BTBD8: variants seen among roughly 807,000 people sequenced by gnomAD.
BTBD8 encodes the protein BTB/POZ domain-containing protein 8.
Under a neutral mutation model 162.9 loss-of-function variants are expected in BTBD8, and 110 were observed. That is an observed-to-expected ratio of 0.68 (90% CI 0.58 to 0.79). The LOEUF (loss-of-function observed/expected upper bound fraction) is 0.79, where lower values mean the gene tolerates loss of function less well. Among genes scored for constraint, BTBD8 ranks in the 30% least tolerant of loss-of-function variants. The probability of loss-of-function intolerance (pLI) is 0.00; values close to 1 mark genes in which losing one functional copy is unlikely to be tolerated. For synonymous variants in BTBD8, 667 were observed against 716.1 expected, an observed-to-expected ratio of 0.93 and a Z score of 1.10; for missense variants, 1,905 against 2,085.4, an observed-to-expected ratio of 0.91 and a Z score of 1.68.
Position 92,183,263 on chromosome 1 carries a change from A to G in BTBD8, c.4913-601A>G, listed in dbSNP as rs954253941. Among the ~76,000 whole-genome samples the G allele has an allele frequency of 2.6e-5, 4 of 152,276 alleles. No individual in the cohort carries two copies. The East Asian group carries it at 5.8e-4, about 22-fold the overall frequency. ...CTTATTATAGTAATTCAGACTAATG[A>G]CCCACATTTAAAATATGCAATAGTG... On this transcript the variant is annotated intron_variant, in intron 17 of 17. Coordinates refer to ENST00000636805, the MANE Select transcript of BTBD8 (RefSeq NM_001376131.1).
At position 92,092,232 on chromosome 1, in the gene BTBD8, C is replaced by T. The variant is rs116591614; in HGVS notation, c.347+3337C>T. The stretch of plus-strand genomic sequence containing the variant: ...CCTGGGCAACATGGCAAAACCCAGT[C>T]TTTACCAAAAATACAAAAAATTAGC... On this transcript the variant is annotated intron_variant, in intron 2 of 17. Coordinates refer to ENST00000636805, the MANE Select transcript of BTBD8 (RefSeq NM_001376131.1). 3.2e-3 allele frequency among the ~76,000 whole-genome samples: 483 copies of T among 152,108 alleles called. 3 individuals are homozygous for T. The highest frequency in any genetic ancestry group is 0.011 in the African/African-American group (467 of 41,496).
Position 92,182,201 on chromosome 1 carries a change from T to C in BTBD8, c.4518T>C (p.Ser1506=), listed in dbSNP as rs1215552307. 7.7e-6 allele frequency: 12 copies of C among 1,550,352 alleles called. No individual in the cohort carries two copies. Among genetic ancestry groups the C allele is most frequent in the Non-Finnish European group, 1.0e-5 (12 of 1,146,660 alleles). Residue 1506 remains serine (S), a synonymous_variant, in exon 17 of 18, where the codon AGT becomes AGC. Coordinates refer to ENST00000636805, the MANE Select transcript of BTBD8 (RefSeq NM_001376131.1). ...AATGTAAACAAAATAAAGGCAATAG[T>C]GTATGTAAAAATGAAAGCACTGTCT... The part of the protein sequence containing the change: ...ILECKQNKGN[S]VCKNESTVLD...
chr1:92,180,937 A>G lies in BTBD8; in HGVS notation c.3254A>G (p.Tyr1085Cys), dbSNP rs1047674954. The change falls in exon 17 of 18, where the codon TAT (tyrosine) becomes TGT (cysteine). Residue 1085 changes from tyrosine (Y) to cysteine (C), a missense_variant. By Grantham distance (194) the Tyr-to-Cys change is radical (BLOSUM62 -2). This residue lies in a region of BTBD8 where 1,374 missense variants were observed against 1,442.7 expected (regional missense o/e 0.95). Transcript: ENST00000636805. ...AGTGATAATGTAAATTCAAAATTTT[A>G]TAGCACCACAGCCCTAAAATACATG... ...VGSDNVNSKF[Y>C]STTALKYMVS... 1.4e-5 allele frequency: 21 copies of G among 1,551,562 alleles called. No homozygotes were observed. The African/African-American group carries it at 1.4e-4, about 10-fold the overall frequency.
chr1:92,110,789 C>T (rs1336655619), intron 4 of BTBD8, among the ~76,000 whole-genome samples: 1 of 152,066 alleles, frequency 6.6e-6, no homozygotes, highest in Non-Finnish European at 1.5e-5. Context: ...GTGATCCGCC[C>T]ACCTCGGCCT....
chr1:92,177,378 TC>T lies in BTBD8; in HGVS notation c.2187del (p.Thr730GlnfsTer42). 2.6e-6 allele frequency: 4 copies of T among 1,551,744 alleles called. No individual in the cohort carries two copies. Among genetic ancestry groups the T allele is most frequent in the Non-Finnish European group, 3.5e-6 (4 of 1,147,024 alleles). On this transcript the variant is annotated frameshift_variant, in exon 14 of 18. Transcript: ENST00000636805. LOFTEE classifies it high-confidence loss of function. ...CAGCATCGCAGGACCCTCCAGCAGA[TC>T]CACAGATTCAAGTATGGAATTCTCA... is the stretch of plus-strand genomic sequence containing the variant. ...CLSIAGPSSR[S>X]TDSSMEFSIS...
At chr1:92,143,683 T>G (rs1231111358) in intron 7 of BTBD8, among the ~76,000 whole-genome samples, 1 of 151,220 alleles carries the variant, frequency 6.6e-6, no homozygotes, top group Non-Finnish European at 1.5e-5. Context: ...GCTAATTTTT[T>G]GTATTTTTAG....
intron 9 of BTBD8, among the ~76,000 whole-genome samples, chr1:92,155,815 T>C (rs572637138): frequency 1.3e-5 from 2 of 152,236 alleles, no homozygotes; most frequent in Admixed American, 1.3e-4. Context: ...TGAATTTGTT[T>C]TAACAGTTTT....
chr1:92,117,292 T>G (rs1258713342), intron 4 of BTBD8, among the ~76,000 whole-genome samples: 1 of 152,046 alleles, frequency 6.6e-6, no homozygotes, highest in Non-Finnish European at 1.5e-5. Flanking sequence ...TGCCAGACAT[T>G]ATAAATATTA....
At chr1:92,166,391 A>G (rs1010846101) in intron 9 of BTBD8, among the ~76,000 whole-genome samples, 1 of 148,454 alleles carries the variant, frequency 6.7e-6, no homozygotes, top group African/African-American at 2.5e-5. Flanking sequence ...TCACTTTGCT[A>G]TCAGGTTTAT....
rs1649960137 is a variant in BTBD8 at position 92,147,800 on chromosome 1, G to C, written c.1122+14G>C. On this transcript the variant is annotated intron_variant, in intron 9 of 17. Transcript: ENST00000636805. ...ATTCAGTCCTTAGTAAGTATAACCT[G>C]AATACTCTTTTGTGTGTTTGCCATT... The C allele has an allele frequency of 6.3e-7, 1 of 1,580,296 alleles. No homozygotes were observed. The highest frequency in any genetic ancestry group is 1.4e-5 in the African/African-American group (1 of 73,696).
At chr1:92,183,461 T>C (rs1428526872) in intron 17 of BTBD8, among the ~76,000 whole-genome samples, 2 of 152,168 alleles carry the variant, frequency 1.3e-5, no homozygotes, top group African/African-American at 4.8e-5. Flanking sequence ...TTAGGTGAAA[T>C]GTATTTATCC....
At chr1:92,158,891 A>C (rs1345268348) in intron 9 of BTBD8, among the ~76,000 whole-genome samples, 1 of 151,868 alleles carries the variant, frequency 6.6e-6, no homozygotes, top group African/African-American at 2.4e-5. Flanking sequence ...CAAGTAGCTG[A>C]AACTATAGAC....
intron 2 of BTBD8, among the ~76,000 whole-genome samples, chr1:92,089,468 A>G (rs72956810): frequency 0.036 from 5,475 of 152,252 alleles, 319 homozygotes; most frequent in African/African-American, 0.13. Context: ...CTCATGGCTT[A>G]TGTCTTAGTC....
At chr1:92,101,383 G>A (rs755581453) in intron 2 of BTBD8, among the ~76,000 whole-genome samples, 33 of 152,198 alleles carry the variant, frequency 2.2e-4, no homozygotes, top group Admixed American at 1.8e-3. Flanking sequence ...TAAAAGTAAT[G>A]CCTTCCAAGC....
intron 7 of BTBD8, among the ~76,000 whole-genome samples, chr1:92,145,935 C>G (rs1412427616): frequency 6.6e-6 from 1 of 151,606 alleles, no homozygotes; most frequent in Admixed American, 6.6e-5. Flanking sequence ...GAGCTGAGAT[C>G]GCACCACTGC....
At chr1:92,174,101 T>G (rs916855750) in intron 13 of BTBD8, among the ~76,000 whole-genome samples, 2 of 152,192 alleles carry the variant, frequency 1.3e-5, no homozygotes, top group African/African-American at 4.8e-5. Context: ...TGAAATAAAA[T>G]TGGAATTAAT....
Position 92,080,552 on chromosome 1 carries a change from G to C in BTBD8, c.-20G>C. ...TGAGGCCAAGTACTGGGCCTCCAGG[G>C]CGTCGTACCTCTGTGAGACATGGCT... On this transcript the variant is annotated 5_prime_UTR_variant, in exon 1 of 18. Coordinates refer to ENST00000636805, the MANE Select transcript of BTBD8 (RefSeq NM_001376131.1). 1 of 1,612,498 alleles carries C rather than the reference G, an allele frequency of 6.2e-7. No homozygotes were observed. Among genetic ancestry groups the C allele is most frequent in the East Asian group, 2.2e-5 (1 of 44,780 alleles).
chr1:92,159,943 T>C (rs991237020), intron 9 of BTBD8, among the ~76,000 whole-genome samples: 1 of 152,166 alleles, frequency 6.6e-6, no homozygotes, highest in African/African-American at 2.4e-5. Context: ...TTCTCCAGAT[T>C]TGGGAAGTTT....
chr1:92,162,622 G>A (rs1365843511), intron 9 of BTBD8, among the ~76,000 whole-genome samples: 1 of 152,194 alleles, frequency 6.6e-6, no homozygotes, highest in Non-Finnish European at 1.5e-5. Context: ...ACAGGCTCTG[G>A]CTAGCTGATG....
Sources: allele counts gnomAD v4.1 joint callset (sites outside exome capture counted in the v4.1 genomes callset), GRCh38; gene constraint gnomAD v4.1.1; regional missense constraint gnomAD v4.1.1; transcripts MANE v1.5; gene names NCBI Gene and HGNC (gene_info 2026-07-23, HGNC 2026-07-21).